MAGEB3: variants seen among roughly 807,000 people sequenced by gnomAD.
MAGEB3 encodes MAGE family member B3.
For missense variants in MAGEB3, 191 were observed against 262.4 expected (o/e 0.73, Z 1.88); for synonymous variants, 91 against 93.0 (o/e 0.98, Z 0.12).
intron 4 of MAGEB3, 23 bp downstream of exon 4, chrX:30,233,386 C>T (rs1433538116): frequency 2.9e-5 from 2 of 68,303 alleles, no homozygotes; most frequent in East Asian, 9.3e-4. Flanking sequence ...TGCGCGGCTA[C>T]ACTCCAGCCT....
In MAGEB3 at chrX:30,231,633, C is replaced by T. The variant is rs1241864014; in HGVS notation, c.-254+15C>T. ...TGGAGGTTGTGGTAAGTCAAGATTG[C>T]GCGGCTACACTCCAGCCTGGAAGAC... On this transcript the variant is annotated intron_variant, in intron 2 of 4. Coordinates refer to ENST00000361644, the MANE Select transcript of MAGEB3 (RefSeq NM_002365.5). 5.1e-5 allele frequency: 4 copies of T among 78,506 alleles called. No individual in the cohort carries two copies. The highest frequency in any genetic ancestry group is 1.6e-4 in the African/African-American group (3 of 19,044). The allele number at this position is 78,506 out of a possible 1,213,427, so 6.5% of individuals were successfully genotyped here.
At position 30,236,735 on chromosome X, in the gene MAGEB3, T is replaced by C. The variant is rs1569254667; in HGVS notation, c.811T>C (p.Tyr271His). Residue 271 changes from tyrosine (Y) to histidine (H), a missense_variant, in exon 5 of 5, where the codon TAT becomes CAT. Coordinates refer to ENST00000361644, the MANE Select transcript of MAGEB3 (RefSeq NM_002365.5). ...AGTGCCCAACAGTAATCCTGCACGCTATGAATTCCTGTGGGGTCCAAGAGC... is the reference window on the plus strand; with the variant it reads ...AGTGCCCAACAGTAATCCTGCACGCCATGAATTCCTGTGGGGTCCAAGAGC... ...RQVPNSNPAR[Y>H]EFLWGPRAHA... The C allele has an allele frequency of 8.3e-7, 1 of 1,212,072 alleles. No individual in the cohort carries two copies. The highest frequency in any genetic ancestry group is 1.1e-6 in the Non-Finnish European group (1 of 895,451).
At chrX:30,231,041 C>T (rs1028532722) in intron 1 of MAGEB3, among the ~76,000 whole-genome samples, 1 of 109,763 alleles carries the variant, frequency 9.1e-6, no homozygotes, top group Non-Finnish European at 1.9e-5. Context: ...CAAGCCGGTG[C>T]GGCATCTCAG....
At chrX:30,233,654 C>T (rs985507705) in intron 4 of MAGEB3, among the ~76,000 whole-genome samples, 5 of 109,309 alleles carry the variant, frequency 4.6e-5, no homozygotes, top group African/African-American at 1.0e-4. Context: ...TACTCTGCTC[C>T]GCTTAGTAAC....
chrX:30,234,661 C>A (rs1315079060), intron 4 of MAGEB3, among the ~76,000 whole-genome samples: 1 of 111,750 alleles, frequency 8.9e-6, no homozygotes, highest in African/African-American at 3.3e-5. Flanking sequence ...GAAAGTAGCC[C>A]CAGTTCAGCA....
In MAGEB3 at chrX:30,236,928, G is replaced by A. The variant is rs776655301; in HGVS notation, c.1004G>A (p.Cys335Tyr). 1.2e-5 allele frequency: 14 copies of A among 1,205,466 alleles called. No homozygotes were observed. The East Asian group carries it at 3.3e-4, about 28-fold the overall frequency. Reference protein sequence around the residue: ...NDGSSAMGRKCSKAKASSSSH... With the variant: ...NDGSSAMGRKYSKAKASSSSH... ...GGCAGTAGTGCCATGGGCAGAAAGT[G>A]TTCCAAGGCCAAGGCTAGCAGCTCT... is the stretch of plus-strand genomic sequence containing the variant. Residue 335 changes from cysteine (C) to tyrosine (Y), a missense_variant, in exon 5 of 5, where the codon TGT becomes TAT. Physicochemically the swap from Cys to Tyr is radical, Grantham distance 194 (BLOSUM62 -2). Coordinates refer to ENST00000361644, the MANE Select transcript of MAGEB3 (RefSeq NM_002365.5).
intron 4 of MAGEB3, among the ~76,000 whole-genome samples, chrX:30,233,781 C>T (rs1272811409): frequency 4.5e-5 from 5 of 112,149 alleles, no homozygotes; most frequent in Non-Finnish European, 1.9e-5. Context: ...GTCTCACCCT[C>T]ACAACTCCCT....
In MAGEB3 at chrX:30,235,967, C is replaced by T. The variant is rs140421974; in HGVS notation, c.43C>T (p.Arg15Cys). The change falls in exon 5 of 5, where the codon CGC becomes TGC. Residue 15 changes from arginine (R) to cysteine (C), a missense_variant. Transcript: ENST00000361644. ...GAGTACGCTCCATGCACGTGAGAAA[C>T]GCCAGCAGACCCGGGGTCAGACCCA... ...QKSTLHAREKRQQTRGQTQDH... is the reference protein window; with the variant it reads ...QKSTLHAREKCQQTRGQTQDH... 1.1e-5 allele frequency: 13 copies of T among 1,207,894 alleles called. No homozygotes were observed. Among genetic ancestry groups the T allele is most frequent in the Admixed American group, 4.4e-5 (2 of 45,558 alleles).
intron 2 of MAGEB3, among the ~76,000 whole-genome samples, chrX:30,232,011 C>G (rs1924810280): frequency 8.9e-6 from 1 of 112,213 alleles, no homozygotes; most frequent in Non-Finnish European, 1.9e-5. Flanking sequence ...GCTGTCAGCC[C>G]TCGGAGACCC....
In MAGEB3 at chrX:30,233,852, T is replaced by A. The variant is rs1202722424; in HGVS notation, c.-62+489T>A. On this transcript the variant is annotated intron_variant, in intron 4 of 4. Coordinates refer to ENST00000361644, the MANE Select transcript of MAGEB3 (RefSeq NM_002365.5). ...TGTGGTTGACCCTGGGAGGTCCTGG[T>A]TGAGTTCTGTCTGGAAAGGCACCCA... Among the ~76,000 whole-genome samples, 10 of 111,477 alleles carry A rather than the reference T, an allele frequency of 9.0e-5. No homozygotes were observed. The South Asian group carries it at 1.1e-3, about 13-fold the overall frequency.
At chrX:30,232,639 G>A (rs1242174361) in intron 2 of MAGEB3, among the ~76,000 whole-genome samples, 188 bp from the exon 3 acceptor site, 6 of 102,400 alleles carry the variant, frequency 5.9e-5, no homozygotes, top group Admixed American at 1.0e-4. Context: ...CGGGCGTGGT[G>A]CGGCGCACGT....
chrX:30,233,415 C>A (rs1924877474), intron 4 of MAGEB3, 52 bp downstream of exon 4: 1 of 48,367 alleles, frequency 2.1e-5, no homozygotes, highest in Non-Finnish European at 4.0e-5. Flanking sequence ...GAGAGAGCCC[C>A]TGTCACAAAA....
chrX:30,234,057 GTC>G (rs1924908834), intron 4 of MAGEB3, among the ~76,000 whole-genome samples: 1 of 112,147 alleles, frequency 8.9e-6, no homozygotes, highest in Non-Finnish European at 1.9e-5. Flanking sequence ...AGCACCAGTG[GTC>G]CTTGTCTTTT....
intron 2 of MAGEB3, among the ~76,000 whole-genome samples, chrX:30,232,209 A>G (rs2529550): frequency 0.41 from 45,606 of 110,019 alleles, 7,036 homozygotes; most frequent in South Asian, 0.54. Flanking sequence ...CCTAGGCGGA[A>G]CTATAAAACT....
chrX:30,233,759 A>C (rs918615841), intron 4 of MAGEB3, among the ~76,000 whole-genome samples: 3 of 112,114 alleles, frequency 2.7e-5, no homozygotes, highest in African/African-American at 6.5e-5. Flanking sequence ...TCGGAGACCC[A>C]GAGCGGGACG....
rs764921111 is a variant in MAGEB3, at chrX:30,236,375, G to A, written c.451G>A (p.Glu151Lys). The A allele has an allele frequency of 2.5e-6, 3 of 1,211,010 alleles. No homozygotes were observed. In the South Asian group the frequency reaches 5.3e-5, roughly 21 times the overall value. Residue 151 changes from glutamate (E) to lysine (K), a missense_variant, in exon 5 of 5, where the codon GAG becomes AAG. Glu to Lys is a moderately conservative substitution (Grantham distance 56). Transcript: ENST00000361644. ...AAAAAGCCATAAGAATTGCTTCCCT[G>A]AGATCCTTAAAAAAGCTTCTTTCAA... ...VQKSHKNCFP[E>K]ILKKASFNME... is the part of the protein sequence containing the mutation.
intron 2 of MAGEB3, 27 bp downstream of exon 2, chrX:30,231,645 C>G (rs754493963): frequency 2.7e-4 from 21 of 79,179 alleles, no homozygotes; most frequent in African/African-American, 1.1e-3. Context: ...CGGCTACACT[C>G]CAGCCTGGAA....
At chrX:30,233,079 G>C (rs1022055298) in intron 3 of MAGEB3, among the ~76,000 whole-genome samples, 163 bp downstream of exon 3, 35 of 107,706 alleles carry the variant, frequency 3.2e-4, no homozygotes, top group Non-Finnish European at 6.4e-4. Context: ...GTGGGGCACA[G>C]GTGTAGTCCC....
chrX:30,236,247 C>T lies in MAGEB3; in HGVS notation c.323C>T (p.Thr108Ile), dbSNP rs1330761551. The change falls in exon 5 of 5, where the codon ACA becomes ATA. Residue 108 changes from threonine to isoleucine, a missense_variant. Physicochemically the swap from Thr to Ile is moderately conservative, Grantham distance 89. Transcript: ENST00000361644. ...QGLSSTVQSR[T>I]DPLIMKTNML... ...CTATCCTCCACTGTGCAGTCTCGCA[C>T]AGACCCTCTAATCATGAAGACAAAT... is the stretch of plus-strand genomic sequence containing the variant. 1 of 1,208,391 alleles carries T rather than the reference C, an allele frequency of 8.3e-7. No individual in the cohort carries two copies. The highest frequency in any genetic ancestry group is 1.8e-5 in the South Asian group (1 of 56,324).
Sources: gnomAD v4.1 joint callset for allele counts (sites outside exome capture counted in the v4.1 genomes callset) on GRCh38, gnomAD v4.1.1 for gene constraint, MANE v1.5 for transcripts, NCBI Gene and HGNC (gene_info 2026-07-23, HGNC 2026-07-21) for gene names.